Variants in TMEM132C observed in about 807,000 individuals in gnomAD.
TMEM132C encodes protein phosphatase 1, regulatory subunit 152.
TMEM132C carries 29 observed loss-of-function variants against 61.4 expected under a neutral mutation model. That is an observed-to-expected ratio of 0.47 (90% CI 0.35 to 0.64). The LOEUF (loss-of-function observed/expected upper bound fraction) is 0.64, where lower values mean the gene tolerates loss of function less well. Among genes scored for constraint, TMEM132C ranks in the 30% least tolerant of loss-of-function variants. TMEM132C has a pLI of 0.00. For synonymous variants in TMEM132C, 656 were observed against 633.1 expected (o/e 1.04, Z -0.54); for missense variants, 1,408 against 1,476.9 (o/e 0.95, Z 0.76).
chr12:128,589,343 G>A (rs1875666089), intron 3 of TMEM132C, among the ~76,000 whole-genome samples: 1 of 152,076 alleles, frequency 6.6e-6, no homozygotes, highest in Non-Finnish European at 1.5e-5. Flanking sequence ...TCTGCAGCCT[G>A]CATCCCTCCG....
intron 2 of TMEM132C, among the ~76,000 whole-genome samples, chr12:128,448,805 T>C (rs2078514001): frequency 6.6e-6 from 1 of 152,158 alleles, no homozygotes; most frequent in Non-Finnish European, 1.5e-5. Context: ...AACCAATTCG[T>C]ATTAACTTTG....
chr12:128,535,669 C>T (rs60915708), intron 2 of TMEM132C, among the ~76,000 whole-genome samples: 11,078 of 152,050 alleles, frequency 0.073, 1,327 homozygotes, highest in African/African-American at 0.25. Flanking sequence ...GAGATCGAGA[C>T]CATCTTAGCT....
intron 1 of TMEM132C, among the ~76,000 whole-genome samples, chr12:128,392,031 C>T (rs1184077275): frequency 6.6e-6 from 1 of 151,068 alleles, no homozygotes; most frequent in East Asian, 2.0e-4. Flanking sequence ...GTCTCCCCCA[C>T]CCTCTGCTCT....
rs368573969 is a variant in TMEM132C at position 128,613,295 on chromosome 12, A to G, written c.1122-2857A>G. On this transcript the variant is annotated intron_variant, in intron 3 of 8. Transcript: ENST00000435159. ...GTGCTTGCTAAGAAGATGAGATGCAACTCCCTAGAATGCAAGATTGTCTGC... is the reference window on the plus strand; with the variant it reads ...GTGCTTGCTAAGAAGATGAGATGCAGCTCCCTAGAATGCAAGATTGTCTGC... Among the ~76,000 whole-genome samples, 13 of 152,168 alleles carry G rather than the reference A, an allele frequency of 8.5e-5. No individual in the cohort carries two copies. In the South Asian group the frequency reaches 2.7e-3, roughly 32 times the overall value.
intron 2 of TMEM132C, among the ~76,000 whole-genome samples, chr12:128,421,061 C>T (rs1518381): frequency 0.027 from 4,138 of 152,110 alleles, 232 homozygotes; most frequent in Admixed American, 0.12. Flanking sequence ...ATGAAGTACA[C>T]GGTGGTGAAG....
rs181925245 is a variant in TMEM132C, at chr12:128,369,000, A to G, written c.86-45732A>G. On this transcript the variant is annotated intron_variant, in intron 1 of 8. Transcript: ENST00000435159. ...CAAGCTCCTGTTCCCTCCAGGTTCTATGGGGGCATTTCAGTGTCCTGAGAA... is the reference window on the plus strand; with the variant it reads ...CAAGCTCCTGTTCCCTCCAGGTTCTGTGGGGGCATTTCAGTGTCCTGAGAA... Among the ~76,000 whole-genome samples the G allele has an allele frequency of 5.3e-3, 804 of 152,264 alleles. 10 individuals are homozygous for G. The highest frequency in any genetic ancestry group is 0.018 in the African/African-American group (760 of 41,550).
Position 128,366,257 on chromosome 12 carries a change from C to A in TMEM132C, c.86-48475C>A, listed in dbSNP as rs944421256. ...TGTCTGCTTTTCCTTTTTTACCTCCCCTGTCCCCTACCCGGTTTTCTAGCC... is the reference window on the plus strand; with the variant it reads ...TGTCTGCTTTTCCTTTTTTACCTCCACTGTCCCCTACCCGGTTTTCTAGCC... On this transcript the variant is annotated intron_variant, in intron 1 of 8. Transcript: ENST00000435159. Among the ~76,000 whole-genome samples the A allele has an allele frequency of 2.6e-5, 4 of 152,194 alleles. No homozygotes were observed. In the East Asian group the frequency reaches 7.7e-4, roughly 29 times the overall value.
chr12:128,664,538 T>TA (rs1200015736), intron 4 of TMEM132C, among the ~76,000 whole-genome samples: 1 of 152,204 alleles, frequency 6.6e-6, no homozygotes, highest in Non-Finnish European at 1.5e-5. Flanking sequence ...AAGTCATAGT[T>TA]ATGCCTTTGT....
chr12:128,463,909 G>A (rs531876143), intron 2 of TMEM132C, among the ~76,000 whole-genome samples: 3 of 152,144 alleles, frequency 2.0e-5, no homozygotes, highest in South Asian at 2.1e-4. Flanking sequence ...CTCCAGCCAC[G>A]GGCCCACCTT....
At chr12:128,333,564 G>C (rs2135947024) in intron 1 of TMEM132C, among the ~76,000 whole-genome samples, 1 of 151,780 alleles carries the variant, frequency 6.6e-6, no homozygotes, top group South Asian at 2.1e-4. Flanking sequence ...GTGAGTGTTG[G>C]TTGTGTGTAT....
At chr12:128,681,654 C>T (rs905762211) in intron 5 of TMEM132C, among the ~76,000 whole-genome samples, 4 of 131,600 alleles carry the variant, frequency 3.0e-5, no homozygotes, top group Middle Eastern at 3.8e-3. Context: ...CAGACTGTAT[C>T]TTTTTTTTTT....
At chr12:128,404,727 C>G (rs1875279153) in intron 1 of TMEM132C, 4 of 152,146 alleles carry the variant, frequency 2.6e-5, no homozygotes, top group African/African-American at 9.7e-5. Context: ...TGAAAGTGAG[C>G]ATTGCGATGA....
chr12:128,506,596 G>A (rs1215668211), intron 2 of TMEM132C, among the ~76,000 whole-genome samples: 1 of 152,146 alleles, frequency 6.6e-6, no homozygotes, highest in East Asian at 1.9e-4. Context: ...CTAGGCCATT[G>A]TGGGTAGGTT....
At chr12:128,396,630 T>C (rs1326292286) in intron 1 of TMEM132C, among the ~76,000 whole-genome samples, 1 of 152,178 alleles carries the variant, frequency 6.6e-6, no homozygotes, top group East Asian at 1.9e-4. Context: ...CAGGCATGAC[T>C]GAGCACTTTG....
intron 3 of TMEM132C, among the ~76,000 whole-genome samples, chr12:128,547,869 G>C (rs909088642): frequency 2.0e-5 from 3 of 152,158 alleles, no homozygotes; most frequent in African/African-American, 7.2e-5. Context: ...TTCTTCAAAG[G>C]CACAAACACC....
At chr12:128,472,995 A>T (rs188368746) in intron 2 of TMEM132C, among the ~76,000 whole-genome samples, 2 of 152,334 alleles carry the variant, frequency 1.3e-5, no homozygotes, top group East Asian at 3.9e-4. Context: ...ACTGTGAGAC[A>T]CTACAGGGTT....
intron 1 of TMEM132C, among the ~76,000 whole-genome samples, chr12:128,354,741 G>C (rs1313270640): frequency 1.3e-5 from 2 of 152,184 alleles, no homozygotes; most frequent in African/African-American, 4.8e-5. Flanking sequence ...TATGTGATCT[G>C]TGCGTCTGCA....
intron 2 of TMEM132C, among the ~76,000 whole-genome samples, chr12:128,472,068 C>T (rs1870970863): frequency 6.6e-6 from 1 of 152,098 alleles, no homozygotes; most frequent in Admixed American, 6.5e-5. Context: ...TGGTGCTTCC[C>T]CAAGAGACCT....
At chr12:128,557,251 T>A (rs1375205005) in intron 3 of TMEM132C, among the ~76,000 whole-genome samples, 1 of 152,216 alleles carries the variant, frequency 6.6e-6, no homozygotes, top group Non-Finnish European at 1.5e-5. Flanking sequence ...TTTAAGGTAT[T>A]TCATGGCCAG....
Sources: gnomAD v4.1 joint callset for allele counts (sites outside exome capture counted in the v4.1 genomes callset) on GRCh38, gnomAD v4.1.1 for gene constraint, MANE v1.5 for transcripts, NCBI Gene and HGNC (gene_info 2026-07-23, HGNC 2026-07-21) for gene names.